GLO1: variants seen among roughly 807,000 people sequenced by gnomAD.
GLO1 encodes the protein glyoxalase I.
In GLO1, 28 loss-of-function variants were observed where a neutral mutation model predicts 26.0. That is an observed-to-expected ratio of 1.08 (90% CI 0.80 to 1.48). The LOEUF is 1.48. Ranked by LOEUF, GLO1 falls within the 40% of genes most tolerant of loss-of-function variation. The pLI is 0.00. For synonymous variants in GLO1, 78 were observed against 77.6 expected, an observed-to-expected ratio of 1.00 and a Z score of -0.03; for missense variants, 225 against 224.8, an observed-to-expected ratio of 1.00 and a Z score of -0.01.
intron 2 of GLO1, among the ~76,000 whole-genome samples, chr6:38,686,201 A>C (rs1761457941): frequency 6.6e-6 from 1 of 152,214 alleles, no homozygotes; most frequent in Admixed American, 6.5e-5. Flanking sequence ...GAACTGGTCA[A>C]ATTTTCTAAA....
chr6:38,679,933 C>A (rs965018527), intron 5 of GLO1, among the ~76,000 whole-genome samples: 3 of 151,978 alleles, frequency 2.0e-5, no homozygotes, highest in Non-Finnish European at 4.4e-5. Context: ...AATTAAATAT[C>A]AGAACAGATA....
intron 5 of GLO1, among the ~76,000 whole-genome samples, chr6:38,677,911 T>C (rs752617777): frequency 6.6e-6 from 1 of 152,172 alleles, no homozygotes; most frequent in Non-Finnish European, 1.5e-5. Context: ...GGCTGCATCT[T>C]TTAGGTATCA....
intron 1 of GLO1, among the ~76,000 whole-genome samples, chr6:38,692,923 T>C (rs1398789312): frequency 2.0e-5 from 3 of 151,472 alleles, no homozygotes; most frequent in African/African-American, 7.3e-5. Context: ...TACTGTTGAA[T>C]TCTGTTTACT....
intron 5 of GLO1, among the ~76,000 whole-genome samples, chr6:38,681,432 G>T (rs1761378332): frequency 6.6e-6 from 1 of 152,142 alleles, no homozygotes. Context: ...CAAATGTTTA[G>T]ATTGAGACTC....
rs1004883304 is a variant in GLO1, at chr6:38,676,616, T to G, written c.*679A>C. 2 of 152,232 alleles carry G rather than the reference T, an allele frequency of 1.3e-5. No homozygotes were observed. Among genetic ancestry groups the G allele is most frequent in the Non-Finnish European group, 2.9e-5 (2 of 68,048 alleles). 9.4% of individuals were successfully genotyped at this position (152,232 alleles called of 1,614,324 possible). ...AGTGATTTCACATGCCTAGCCTGCT[T>G]TCTTTCTCACATGACAGCTGGGAGT... On this transcript the variant is annotated 3_prime_UTR_variant, in exon 6 of 6. Coordinates refer to ENST00000373365, the MANE Select transcript of GLO1 (RefSeq NM_006708.3).
In GLO1 at chr6:38,677,132, C is replaced by T. The variant is rs990765097; in HGVS notation, c.*163G>A. 3.2e-6 allele frequency: 2 copies of T among 634,194 alleles called. No homozygotes were observed. Among genetic ancestry groups the T allele is most frequent in the African/African-American group, 3.7e-5 (2 of 53,962 alleles). 39.3% of individuals were successfully genotyped at this position (634,194 alleles called of 1,614,324 possible). Reference sequence around the variant, plus strand: ...CTGCTTGAAAACCAGAATGACTGAACAGTTAGGTGAAAAGGAACAGCTGAA... The same window carrying T: ...CTGCTTGAAAACCAGAATGACTGAATAGTTAGGTGAAAAGGAACAGCTGAA... On this transcript the variant is annotated 3_prime_UTR_variant, in exon 6 of 6. Coordinates refer to ENST00000373365, the MANE Select transcript of GLO1 (RefSeq NM_006708.3).
chr6:38,689,129 C>A (rs760179849), intron 1 of GLO1, among the ~76,000 whole-genome samples: 1 of 152,176 alleles, frequency 6.6e-6, no homozygotes, highest in Non-Finnish European at 1.5e-5. Flanking sequence ...AAGCTGGGAC[C>A]CCTGTCCGAC....
chr6:38,697,142 T>A lies in GLO1; in HGVS notation c.84+5829A>T, dbSNP rs148883609. On this transcript the variant is annotated intron_variant, in intron 1 of 5. Transcript: ENST00000373365. ...GTTGGTTAGGCTGGTCTCGAACTCC[T>A]GACCTCATGATCCACCCACCTTGGT... Among the ~76,000 whole-genome samples, 688 of 152,270 alleles carry A rather than the reference T, an allele frequency of 4.5e-3. 9 individuals carry two copies. Among genetic ancestry groups the A allele is most frequent in the African/African-American group, 0.016 (664 of 41,528 alleles).
intron 3 of GLO1, chr6:38,683,108 T>G: frequency 4.2e-6 from 2 of 479,482 alleles, no homozygotes; most frequent in South Asian, 3.7e-5. Context: ...ATAATAAGAA[T>G]AATAATAATG....
chr6:38,699,797 GTTGT>G (rs1466663661), intron 1 of GLO1, among the ~76,000 whole-genome samples: 2 of 152,116 alleles, frequency 1.3e-5, no homozygotes, highest in African/African-American at 4.8e-5. Flanking sequence ...CCTGTTTTCT[GTTGT>G]TTAAGATGTT....
At chr6:38,695,704 C>T (rs1761601391) in intron 1 of GLO1, among the ~76,000 whole-genome samples, 1 of 152,138 alleles carries the variant, frequency 6.6e-6, no homozygotes, top group South Asian at 2.1e-4. Context: ...TCAGCTTTTG[C>T]TGGCATGGGT....
At chr6:38,698,991 T>G (rs1761653060) in intron 1 of GLO1, among the ~76,000 whole-genome samples, 1 of 152,182 alleles carries the variant, frequency 6.6e-6, no homozygotes, top group Non-Finnish European at 1.5e-5. Context: ...ATATAAAATC[T>G]AACTTCCTTA....
At chr6:38,679,381 T>A (rs1761332156) in intron 5 of GLO1, among the ~76,000 whole-genome samples, 1 of 152,178 alleles carries the variant, frequency 6.6e-6, no homozygotes. Context: ...CACTGCAGCC[T>A]TGAACTGCTG....
intron 1 of GLO1, among the ~76,000 whole-genome samples, chr6:38,696,853 G>T (rs930446013): frequency 6.6e-6 from 1 of 151,912 alleles, no homozygotes; most frequent in African/African-American, 2.4e-5. Flanking sequence ...TCCCTTTAGA[G>T]ACTATCTACT....
intron 3 of GLO1, among the ~76,000 whole-genome samples, chr6:38,684,143 A>G (rs1301747271): frequency 6.6e-6 from 1 of 152,142 alleles, no homozygotes; most frequent in Admixed American, 6.5e-5. Flanking sequence ...AAGACTACCT[A>G]GAAGTTAGAG....
chr6:38,695,771 C>G (rs923979212), intron 1 of GLO1, among the ~76,000 whole-genome samples: 5 of 152,140 alleles, frequency 3.3e-5, no homozygotes, highest in African/African-American at 1.2e-4. Context: ...CAGTTATTGT[C>G]TAAAAGTTTT....
Position 38,703,105 on chromosome 6 carries a change from C to A in GLO1, c.-51G>T, listed in dbSNP as rs1330230073. ...CGGGACCCAAGGAACGGAGGAGTCACCCACACTACGCCTCGGCCCTGTGCC... is the reference window on the plus strand; with the variant it reads ...CGGGACCCAAGGAACGGAGGAGTCAACCACACTACGCCTCGGCCCTGTGCC... On this transcript the variant is annotated 5_prime_UTR_variant, in exon 1 of 6. Transcript: ENST00000373365. 2 of 1,052,754 alleles carry A rather than the reference C, an allele frequency of 1.9e-6. No homozygotes were observed. The highest frequency in any genetic ancestry group is 2.5e-5 in the East Asian group (1 of 39,364). 65.2% of individuals were successfully genotyped at this position (1,052,754 alleles called of 1,614,324 possible). A position where few individuals can be genotyped will look rare whatever the true frequency, so the allele number is the denominator to read the frequency against.
At chr6:38,695,131 T>C (rs1328013212) in intron 1 of GLO1, among the ~76,000 whole-genome samples, 1 of 152,174 alleles carries the variant, frequency 6.6e-6, no homozygotes, top group Non-Finnish European at 1.5e-5. Context: ...TTTATTCATG[T>C]TTGTTTTCTG....
chr6:38,702,452 T>C (rs1761717593), intron 1 of GLO1, among the ~76,000 whole-genome samples: 1 of 151,690 alleles, frequency 6.6e-6, no homozygotes, highest in South Asian at 2.1e-4. Context: ...CCCACGAAGA[T>C]GAGGAAGGCA....
Sources: gnomAD v4.1 joint callset for allele counts (sites outside exome capture counted in the v4.1 genomes callset) on GRCh38, gnomAD v4.1.1 for gene constraint, MANE v1.5 for transcripts, NCBI Gene and HGNC (gene_info 2026-07-23, HGNC 2026-07-21) for gene names.